The following LRRC39 variants were observed in gnomAD, a reference collection of about 807,000 sequenced individuals.
The protein encoded by LRRC39 is leucine-rich repeat-containing protein 39.
LRRC39 carries 35 observed loss-of-function variants against 39.7 expected under a neutral mutation model. The ratio of observed to expected loss-of-function variants is 0.88; its 90% CI spans 0.67 to 1.17. The LOEUF (loss-of-function observed/expected upper bound fraction) is 1.17, where lower values mean the gene tolerates loss of function less well. Among genes scored for constraint, LRRC39 ranks in the 50% most tolerant of loss-of-function variants. The probability of loss-of-function intolerance (pLI) is 0.00; values close to 1 mark genes in which losing one functional copy is unlikely to be tolerated. For synonymous variants in LRRC39, 113 were observed against 134.1 expected, an observed-to-expected ratio of 0.84 and a Z score of 1.09; for missense variants, 357 against 385.8, an observed-to-expected ratio of 0.93 and a Z score of 0.62.
intron 5 of LRRC39, 84 bp downstream of exon 5, chr1:100,159,175 A>G: frequency 7.9e-7 from 1 of 1,267,912 alleles, no homozygotes; most frequent in East Asian, 2.5e-5. Flanking sequence ...AGAGGTCTTT[A>G]TTCCATGTAT....
intron 3 of LRRC39, among the ~76,000 whole-genome samples, chr1:100,164,311 C>G (rs949157883): frequency 6.6e-6 from 1 of 152,112 alleles, no homozygotes; most frequent in Admixed American, 6.6e-5. Flanking sequence ...CCTTCTTACC[C>G]CTTGCCTGTG....
rs375614266 is a variant in LRRC39, at chr1:100,152,363, G to A, written c.952+22C>T. ...TACTCTACCAAAAAACATTTAATCT[G>A]TGTTATATACAAATCTTATACCTGC... On this transcript the variant is annotated intron_variant, in intron 9 of 9. Coordinates refer to ENST00000370137, the MANE Select transcript of LRRC39 (RefSeq NM_144620.4). 3.1e-6 allele frequency: 5 copies of A among 1,608,474 alleles called. No individual in the cohort carries two copies. In the African/African-American group the frequency reaches 6.7e-5, roughly 22 times the overall value.
intron 3 of LRRC39, among the ~76,000 whole-genome samples, chr1:100,164,483 A>G (rs1376410758): frequency 1.3e-5 from 2 of 152,174 alleles, no homozygotes; most frequent in Admixed American, 1.3e-4. Context: ...TAAGATCCCT[A>G]TGGGATTCCT....
At chr1:100,152,742 A>T (rs1449168961) in intron 8 of LRRC39, among the ~76,000 whole-genome samples, 1 of 152,204 alleles carries the variant, frequency 6.6e-6, no homozygotes, top group Non-Finnish European at 1.5e-5. Context: ...TTCAAAGCTT[A>T]TAAAAGCAAC....
chr1:100,178,770 T>G (rs1382618382), upstream of LRRC39, among the ~76,000 whole-genome samples: 1 of 152,170 alleles, frequency 6.6e-6, no homozygotes, highest in African/African-American at 2.4e-5. Context: ...TTTTTGAATT[T>G]ATAATATATG....
intron 8 of LRRC39, among the ~76,000 whole-genome samples, chr1:100,153,483 A>C (rs1658206171): frequency 6.6e-6 from 1 of 152,206 alleles, no homozygotes; most frequent in African/African-American, 2.4e-5. Flanking sequence ...TCTGCACAGT[A>C]AAAGTAATAA....
chr1:100,179,424 G>A (rs1290914393), upstream of LRRC39, among the ~76,000 whole-genome samples: 1 of 128,992 alleles, frequency 7.8e-6, no homozygotes, highest in Non-Finnish European at 1.6e-5. Flanking sequence ...CACTTTGAGA[G>A]GCCAAGATGG....
chr1:100,149,585 A>G, intron 9 of LRRC39: 1 of 622,898 alleles, frequency 1.6e-6, no homozygotes, highest in Non-Finnish European at 2.6e-6. Flanking sequence ...TTATCAGGTC[A>G]TTTTTTATAT....
chr1:100,158,713 G>A (rs1658656793), intron 5 of LRRC39, among the ~76,000 whole-genome samples: 1 of 152,176 alleles, frequency 6.6e-6, no homozygotes, highest in Non-Finnish European at 1.5e-5. Context: ...TGGGATTACA[G>A]GCGTGAGCCA....
chr1:100,162,594 C>T (rs1658964707), intron 3 of LRRC39, among the ~76,000 whole-genome samples: 1 of 151,440 alleles, frequency 6.6e-6, no homozygotes, highest in Admixed American at 6.6e-5. Context: ...GCCAAGATTG[C>T]ACCACTTTAC....
At chr1:100,177,625 T>G (rs1273222046) in intron 1 of LRRC39, among the ~76,000 whole-genome samples, 1 of 152,246 alleles carries the variant, frequency 6.6e-6, no homozygotes. Context: ...AAGTTTTTGC[T>G]AAATACTCGA....
At chr1:100,156,451 C>A in intron 6 of LRRC39, 134 bp from the exon 7 acceptor site, 1 of 751,764 alleles carries the variant, frequency 1.3e-6, no homozygotes, top group South Asian at 4.0e-5. Flanking sequence ...TCATATTAGT[C>A]CGCAACAAAT....
chr1:100,169,366 A>C (rs1659449036), intron 2 of LRRC39, among the ~76,000 whole-genome samples: 1 of 152,084 alleles, frequency 6.6e-6, no homozygotes, highest in Non-Finnish European at 1.5e-5. Flanking sequence ...AAAGCAATAA[A>C]ATTTGCAACA....
intron 7 of LRRC39, among the ~76,000 whole-genome samples, chr1:100,155,658 C>T (rs1485444850): frequency 6.6e-6 from 1 of 152,118 alleles, no homozygotes; most frequent in African/African-American, 2.4e-5. Flanking sequence ...CTTAAGAGAA[C>T]AATAAAATGA....
chr1:100,150,809 T>G (rs72973707), intron 9 of LRRC39, among the ~76,000 whole-genome samples: 5,029 of 152,142 alleles, frequency 0.033, 290 homozygotes, highest in African/African-American at 0.11. Flanking sequence ...TTACCACAAC[T>G]TGCATGTTCC....
chr1:100,164,966 A>G (rs909577514), intron 3 of LRRC39, among the ~76,000 whole-genome samples: 2 of 152,146 alleles, frequency 1.3e-5, no homozygotes, highest in Non-Finnish European at 2.9e-5. Context: ...TCAGCCTGCC[A>G]AAGTGCTGGG....
chr1:100,179,155 G>T (rs953220807), upstream of LRRC39, among the ~76,000 whole-genome samples: 1 of 152,046 alleles, frequency 6.6e-6, no homozygotes, highest in Non-Finnish European at 1.5e-5. Flanking sequence ...CATAATTTAT[G>T]TAGTCATTTG....
At position 100,156,318 on chromosome 1, in the gene LRRC39, C is replaced by T; in HGVS notation, c.514-1G>A. 1 of 1,597,876 alleles carries T rather than the reference C, an allele frequency of 6.3e-7. No homozygotes were observed. Among genetic ancestry groups the T allele is most frequent in the Non-Finnish European group, 8.5e-7 (1 of 1,170,004 alleles). On this transcript the variant is annotated splice_acceptor_variant, in intron 6 of 9. Coordinates refer to ENST00000370137, the MANE Select transcript of LRRC39 (RefSeq NM_144620.4). LOFTEE classifies it high-confidence loss of function. ...GAGTAAGTTTTAGCAGATTGCTGAG[C>T]TGAAGAAGAAAGCAAGGTTTTTCAA...
rs145438131 is a variant in LRRC39, at chr1:100,171,008, A to T, written c.-79+2323T>A. Among the ~76,000 whole-genome samples, 742 of 152,356 alleles carry T rather than the reference A, an allele frequency of 4.9e-3. 3 individuals are homozygous for T. The highest frequency in any genetic ancestry group is 0.017 in the African/African-American group (716 of 41,580). On this transcript the variant is annotated intron_variant, in intron 2 of 9. Transcript: ENST00000370137. ...AAATACTTTACAGATATAAAAGATC[A>T]ATCATATCATAATAAGAGATTTAAT...
Sources: allele counts gnomAD v4.1 joint callset (sites outside exome capture counted in the v4.1 genomes callset), GRCh38; gene constraint gnomAD v4.1.1; transcripts MANE v1.5; gene names NCBI Gene and HGNC (gene_info 2026-07-23, HGNC 2026-07-21).